Variants in MAGI2 observed in about 807,000 individuals in gnomAD.
MAGI2 encodes the protein membrane-associated guanylate kinase, WW and PDZ domain-containing protein 2.
A neutral mutation model predicts 133.3 loss-of-function variants in MAGI2; 35 were observed. That is an observed-to-expected ratio of 0.26 (90% CI 0.20 to 0.35). The LOEUF is 0.35. Ranked by LOEUF, MAGI2 falls within the 10% of genes least tolerant of loss-of-function variation. The pLI is 1.00. For missense variants in MAGI2, 1,636 were observed against 1,863.4 expected, an observed-to-expected ratio of 0.88 and a Z score of 2.25; for synonymous variants, 729 against 710.6, an observed-to-expected ratio of 1.03 and a Z score of -0.41.
chr7:78,363,511 GATA>G (rs10570471), intron 7 of MAGI2, among the ~76,000 whole-genome samples: 78,793 of 147,594 alleles, frequency 0.53, 21,581 homozygotes, highest in Middle Eastern at 0.6. Context: ...TAATAATAAT[GATA>G]ATAATAATAA....
intron 1 of MAGI2, among the ~76,000 whole-genome samples, chr7:79,040,427 T>A (rs1811547409): frequency 6.6e-6 from 1 of 152,114 alleles, no homozygotes; most frequent in South Asian, 2.1e-4. Context: ...AGAAAAAAGT[T>A]GGTCTCATGG....
chr7:78,605,862 G>C (rs747813765), intron 3 of MAGI2, among the ~76,000 whole-genome samples: 1 of 152,168 alleles, frequency 6.6e-6, no homozygotes, highest in African/African-American at 2.4e-5. Flanking sequence ...ACTGTGACGG[G>C]AGGTACTCGA....
chr7:78,317,672 G>A (rs1293217680), intron 9 of MAGI2, among the ~76,000 whole-genome samples: 1 of 152,184 alleles, frequency 6.6e-6, no homozygotes, highest in East Asian at 1.9e-4. Flanking sequence ...GTGGGTCCCT[G>A]ACCCCCGTGT....
At chr7:78,673,654 C>G (rs73145161) in intron 2 of MAGI2, among the ~76,000 whole-genome samples, 9,461 of 151,768 alleles carry the variant, frequency 0.062, 415 homozygotes, top group East Asian at 0.11. Context: ...CTGTTCAGAA[C>G]TTCAACTGAT....
intron 2 of MAGI2, among the ~76,000 whole-genome samples, chr7:78,779,099 G>A (rs933851312): frequency 3.0e-4 from 46 of 152,084 alleles, no homozygotes; most frequent in African/African-American, 8.9e-4. Context: ...TAGTAGAGGC[G>A]GAGTTTCAAT....
rs1423243389 is a variant in MAGI2, at chr7:79,028,253, ATATATATATATATATG to A, written c.302-21063_302-21048del. The stretch of plus-strand genomic sequence containing the variant: ...TATGTATGTATATATATATATATAT[ATATATATATATATATG>A]TATGTATGTATATATATATATATGT... On this transcript the variant is annotated intron_variant, in intron 1 of 21. Coordinates refer to ENST00000354212, the MANE Select transcript of MAGI2 (RefSeq NM_012301.4). Among the ~76,000 whole-genome samples the A allele has an allele frequency of 3.9e-3, 92 of 23,652 alleles. 2 individuals carry two copies. The highest frequency in any genetic ancestry group is 0.01 in the African/African-American group (87 of 8,302). The allele number at this position is 23,652 out of a possible 152,430, so 15.5% of individuals were successfully genotyped here.
At chr7:78,495,848 T>A (rs1245333293) in intron 5 of MAGI2, among the ~76,000 whole-genome samples, 2 of 152,114 alleles carry the variant, frequency 1.3e-5, no homozygotes, top group East Asian at 3.8e-4. Context: ...ATTTTCTGTC[T>A]GGAAATTACA....
intron 2 of MAGI2, among the ~76,000 whole-genome samples, chr7:78,974,016 G>C (rs1267673008): frequency 2.0e-5 from 3 of 151,668 alleles, no homozygotes; most frequent in African/African-American, 7.3e-5. Flanking sequence ...TTCAATTTGG[G>C]ATACATATTG....
At chr7:78,702,077 A>G (rs1260610279) in intron 2 of MAGI2, among the ~76,000 whole-genome samples, 1 of 152,036 alleles carries the variant, frequency 6.6e-6, no homozygotes, top group Non-Finnish European at 1.5e-5. Flanking sequence ...CAAATGGTAC[A>G]GTTCAGTGCA....
At chr7:78,844,619 C>T (rs570689981) in intron 2 of MAGI2, among the ~76,000 whole-genome samples, 24 of 151,784 alleles carry the variant, frequency 1.6e-4, no homozygotes, top group South Asian at 2.1e-4. Flanking sequence ...ATAAAATAGA[C>T]GAGTGGTTTC....
chr7:78,275,923 T>C (rs1035328020), intron 9 of MAGI2, among the ~76,000 whole-genome samples: 5 of 152,152 alleles, frequency 3.3e-5, no homozygotes, highest in African/African-American at 9.7e-5. Flanking sequence ...GTACACTGTA[T>C]TTTCAGTTTT....
chr7:79,070,433 C>A lies in MAGI2; in HGVS notation c.302-63227G>T, dbSNP rs1012940020. ...ACTTGTATATGCTTCACAAAGTTCT[C>A]GTGTTGTGTTTTCAGCTCCATCAGG... On this transcript the variant is annotated intron_variant, in intron 1 of 21. Transcript: ENST00000354212. 3.3e-5 allele frequency among the ~76,000 whole-genome samples: 5 copies of A among 150,760 alleles called. No homozygotes were observed. The South Asian group carries it at 8.5e-4, about 26-fold the overall frequency.
intron 2 of MAGI2, among the ~76,000 whole-genome samples, chr7:78,776,105 G>GA (rs530573404): frequency 3.1e-4 from 47 of 152,300 alleles, no homozygotes; most frequent in African/African-American, 1.1e-3. Context: ...AGGATCAAAT[G>GA]AAATTTTATG....
chr7:79,174,510 G>A (rs983796541), intron 1 of MAGI2, among the ~76,000 whole-genome samples: 48 of 151,904 alleles, frequency 3.2e-4, no homozygotes, highest in African/African-American at 1.0e-3. Flanking sequence ...TACCTTTAAT[G>A]TATTAAAGAA....
chr7:78,363,445 A>T (rs936525467), intron 7 of MAGI2, among the ~76,000 whole-genome samples: 2 of 151,752 alleles, frequency 1.3e-5, no homozygotes, highest in Middle Eastern at 6.5e-3. Flanking sequence ...GTGAGCTGAG[A>T]TCGCGCCACT....
intron 1 of MAGI2, among the ~76,000 whole-genome samples, chr7:79,186,240 A>ATATATATT (rs2086850680): frequency 2.1e-5 from 2 of 93,880 alleles, no homozygotes; most frequent in African/African-American, 6.6e-5. Flanking sequence ...ATATATATAT[A>ATATATATT]TATTTATATT....
Position 78,078,566 on chromosome 7 carries a change from G to A in MAGI2, c.3706+381C>T, listed in dbSNP as rs1815606514. On this transcript the variant is annotated intron_variant, in intron 21 of 21. Coordinates refer to ENST00000354212, the MANE Select transcript of MAGI2 (RefSeq NM_012301.4). ...TGAGATAGTCTGATGCATAAACAAT[G>A]TTAGGAAATAATTGATAAATTACTG... is the stretch of plus-strand genomic sequence containing the variant. 1.3e-5 allele frequency: 4 copies of A among 305,230 alleles called. No homozygotes were observed. In the South Asian group the frequency reaches 4.1e-4, roughly 31 times the overall value. The allele number at this position is 305,230 out of a possible 1,614,324, so 18.9% of individuals were successfully genotyped here.
At chr7:78,840,996 C>A (rs1792098503) in intron 2 of MAGI2, among the ~76,000 whole-genome samples, 1 of 152,024 alleles carries the variant, frequency 6.6e-6, no homozygotes. Context: ...TCTATTTCTC[C>A]TACATTTTCA....
At chr7:79,071,852 C>A (rs1815015355) in intron 1 of MAGI2, among the ~76,000 whole-genome samples, 1 of 152,124 alleles carries the variant, frequency 6.6e-6, no homozygotes, top group Non-Finnish European at 1.5e-5. Flanking sequence ...GACTGCTGTG[C>A]TAGTAGCGAA....
Sources: gnomAD v4.1 joint callset for allele counts (sites outside exome capture counted in the v4.1 genomes callset) on GRCh38, gnomAD v4.1.1 for gene constraint, MANE v1.5 for transcripts, NCBI Gene and HGNC (gene_info 2026-07-23, HGNC 2026-07-21) for gene names.